The following SRSF6 variants were observed in gnomAD, a reference collection of about 807,000 sequenced individuals.
SRSF6 encodes serine and arginine rich splicing factor 6.
In SRSF6, 17 loss-of-function variants were observed where a neutral mutation model predicts 42.0. The ratio of observed to expected loss-of-function variants is 0.40; its 90% confidence interval spans 0.28 to 0.61. The LOEUF (loss-of-function observed/expected upper bound fraction) is 0.61, where lower values mean the gene tolerates loss of function less well. Ranked by LOEUF, SRSF6 falls within the 20% of genes least tolerant of loss-of-function variation. The pLI is 0.37. For synonymous variants in SRSF6, 204 were observed against 166.7 expected (o/e 1.22, Z -1.72); for missense variants, 379 against 471.4 (o/e 0.80, Z 1.81).
chr20:43,461,011 C>G lies in SRSF6; in HGVS notation c.983C>G (p.Ser328Cys), dbSNP rs766689707. The change falls in exon 6 of 6, where the codon TCT (serine) becomes TGT (cysteine). Residue 328 changes from serine (S) to cysteine (C), a missense_variant. Physicochemically the swap from Ser to Cys is moderately radical, Grantham distance 112. Transcript: ENST00000244020. ...PPKRATSRSR[S>C]RSRSKSRSRS... ...AAAAGAGCTACTTCAAGATCCCGTT[C>G]TAGATCTCGCTCAAAGTCAAGATCA... 6.2e-7 allele frequency: 1 copy of G among 1,608,002 alleles called. No homozygotes were observed. Among genetic ancestry groups the G allele is most frequent in the Admixed American group, 1.7e-5 (1 of 58,516 alleles).
In SRSF6 at chr20:43,457,900, T is replaced by G. The variant is rs529720695; in HGVS notation, c.-134T>G. 1.8e-5 allele frequency: 12 copies of G among 649,370 alleles called. No homozygotes were observed. The highest frequency in any genetic ancestry group is 6.0e-5 in the South Asian group (3 of 50,420). The allele number at this position is 649,370 out of a possible 1,614,324, so 40.2% of individuals were successfully genotyped here. A position where few individuals can be genotyped will look rare whatever the true frequency, so the allele number is the denominator to read the frequency against. On this transcript the variant is annotated 5_prime_UTR_variant, in exon 1 of 6. Coordinates refer to ENST00000244020, the MANE Select transcript of SRSF6 (RefSeq NM_006275.6). ...AGCCTGGCGCGCGCGCGCGCCATTG[T>G]GTGGCTGGACTCGGCCGCCCCTGTG...
At chr20:43,458,276 G>C (rs1360337780) in intron 1 of SRSF6, 85 bp from the exon 2 acceptor site, 43 of 1,400,326 alleles carry the variant, frequency 3.1e-5, no homozygotes, top group Non-Finnish European at 1.9e-5. Context: ...CGTCGCGGGG[G>C]CGCGCGGTGG....
In SRSF6 at chr20:43,462,287, T is replaced by G. The variant is rs1355798034; in HGVS notation, c.*1224T>G. On this transcript the variant is annotated 3_prime_UTR_variant, in exon 6 of 6. Transcript: ENST00000244020. ...AAACCAAATTTGAATACTGCAAATT[T>G]GTAGGAGTTACTAGGTTAGCAATTA... 4 of 152,246 alleles carry G rather than the reference T, an allele frequency of 2.6e-5. No individual in the cohort carries two copies. Among genetic ancestry groups the G allele is most frequent in the Non-Finnish European group, 5.9e-5 (4 of 68,034 alleles). The allele number at this position is 152,246 out of a possible 1,614,324, so 9.4% of individuals were successfully genotyped here.
At position 43,458,050 on chromosome 20, in the gene SRSF6, T is replaced by C. The variant is rs1568899076; in HGVS notation, c.17T>C (p.Ile6Thr). 3.7e-6 allele frequency: 6 copies of C among 1,612,800 alleles called. No homozygotes were observed. Among genetic ancestry groups the C allele is most frequent in the African/African-American group, 1.3e-5 (1 of 74,792 alleles). The change falls in exon 1 of 6, where the codon ATA becomes ACA. Residue 6 changes from isoleucine (I) to threonine (T), a missense_variant. Ile to Thr is a moderately conservative substitution (Grantham distance 89). Around this residue, in one of 3 missense-constraint regions of SRSF6, gnomAD observed 117 missense variants for 146.8 expected, o/e 0.80. Coordinates refer to ENST00000244020, the MANE Select transcript of SRSF6 (RefSeq NM_006275.6). MPRVY[I>T]GRLSYNVREK... The stretch of plus-strand genomic sequence containing the variant: ...GCCACGGACATGCCGCGCGTCTACA[T>C]AGGACGCCTGAGCTACAACGTCCGG...
chr20:43,463,608 CTTGTT>C lies in SRSF6; in HGVS notation c.*2549_*2553del, dbSNP rs1426413392. On this transcript the variant is annotated 3_prime_UTR_variant, in exon 6 of 6. Transcript: ENST00000244020. ...AATAAAATACTTACTGAGGGAAAGG[CTTGTT>C]TTGAGTTTATTGCATATGCCCACTT... The C allele has an allele frequency of 6.6e-6, 1 of 152,658 alleles. No homozygotes were observed. The highest frequency in any genetic ancestry group is 1.5e-5 in the Non-Finnish European group (1 of 68,064). 9.5% of individuals were successfully genotyped at this position (152,658 alleles called of 1,614,324 possible).
At chr20:43,459,710 C>CA in intron 2 of SRSF6, 61 bp from the exon 3 acceptor site, 1 of 1,609,610 alleles carries the variant, frequency 6.2e-7, no homozygotes, top group Middle Eastern at 2.3e-4. Context: ...TACTAACTTT[C>CA]AAAGACATTA....
intron 3 of SRSF6, 25 bp from the exon 4 acceptor site, chr20:43,460,008 G>T (rs201937785): frequency 6.2e-7 from 1 of 1,613,840 alleles, no homozygotes; most frequent in Admixed American, 1.7e-5. Context: ...TAAGATTTCC[G>T]AGTCTGACCA....
rs1204788541 is a variant in SRSF6 at position 43,462,943 on chromosome 20, T to C, written c.*1880T>C. Reference sequence around the variant, plus strand: ...GCCTACTCAGCAGAAGTGATGACTCTTAAAAATTGGCTTTGACCAAAGTTC... The same window carrying C: ...GCCTACTCAGCAGAAGTGATGACTCCTAAAAATTGGCTTTGACCAAAGTTC... On this transcript the variant is annotated 3_prime_UTR_variant, in exon 6 of 6. Transcript: ENST00000244020. 6.5e-6 allele frequency: 1 copy of C among 152,682 alleles called. No individual in the cohort carries two copies. Among genetic ancestry groups the C allele is most frequent in the Non-Finnish European group, 1.5e-5 (1 of 68,034 alleles). The allele number at this position is 152,682 out of a possible 1,614,324, so 9.5% of individuals were successfully genotyped here.
chr20:43,458,325 T>C (rs745690859), intron 1 of SRSF6, 36 bp from the exon 2 acceptor site: 11 of 1,493,668 alleles, frequency 7.4e-6, no homozygotes, highest in Admixed American at 2.3e-5. Context: ...GGCTAACGAC[T>C]CCCCCGCGGT....
In SRSF6 at chr20:43,460,760, A is replaced by G; in HGVS notation, c.732A>G (p.Arg244=). The stretch of plus-strand genomic sequence containing the variant: ...CTCGATCAAAAGGCAGGAAATCTAG[A>G]TCAAAGAGCAAATCTAAGCCCAAGT... ...SRSRSKGRKS[R]SKSKSKPKSD... Residue 244 remains arginine (R), a synonymous_variant, in exon 6 of 6, where the codon AGA becomes AGG. Coordinates refer to ENST00000244020, the MANE Select transcript of SRSF6 (RefSeq NM_006275.6). 1.9e-6 allele frequency: 3 copies of G among 1,614,146 alleles called. No homozygotes were observed. The highest frequency in any genetic ancestry group is 2.5e-6 in the Non-Finnish European group (3 of 1,179,984).
In SRSF6 at chr20:43,460,749, A is replaced by G. The variant is rs749635776; in HGVS notation, c.721A>G (p.Arg241Gly). The change falls in exon 6 of 6, where the codon AGG becomes GGG. Residue 241 changes from arginine to glycine, a missense_variant. Coordinates refer to ENST00000244020, the MANE Select transcript of SRSF6 (RefSeq NM_006275.6). ...TCGATCACGTTCTCGATCAAAAGGC[A>G]GGAAATCTAGATCAAAGAGCAAATC... Reference protein sequence around the residue: ...KGRSRSRSKGRKSRSKSKSKP... With the variant: ...KGRSRSRSKGGKSRSKSKSKP... The G allele has an allele frequency of 2.5e-6, 4 of 1,614,076 alleles. No individual in the cohort carries two copies. The East Asian group carries it at 6.7e-5, about 27-fold the overall frequency.
chr20:43,458,562 T>TGGGTG (rs1350536516), intron 2 of SRSF6, 53 bp downstream of exon 2: 9 of 1,386,358 alleles, frequency 6.5e-6, no homozygotes, highest in African/African-American at 1.6e-5. Context: ...GGGGCGGGGG[T>TGGGTG]GGGTGGGGTG....
At chr20:43,459,973 A>T in intron 3 of SRSF6, 60 bp from the exon 4 acceptor site, 1 of 1,604,552 alleles carries the variant, frequency 6.2e-7, no homozygotes, top group Non-Finnish European at 8.5e-7. Context: ...TATTTCTGGG[A>T]ATTTATTATG....
chr20:43,458,173 C>G, intron 1 of SRSF6, 33 bp downstream of exon 1: 1 of 1,597,522 alleles, frequency 6.3e-7, no homozygotes, highest in Non-Finnish European at 8.6e-7. Context: ...CGCCCAGCGT[C>G]CCAGGCCTGG....
intron 2 of SRSF6, chr20:43,459,428 C>T: frequency 2.3e-6 from 3 of 1,278,112 alleles, no homozygotes; most frequent in South Asian, 1.3e-5. Flanking sequence ...GATGTAAGTA[C>T]TTAGTGTAAA....
At chr20:43,458,200 C>G in intron 1 of SRSF6, 60 bp downstream of exon 1, 1 of 1,558,816 alleles carries the variant, frequency 6.4e-7, no homozygotes, top group Non-Finnish European at 8.7e-7. Context: ...CGGGAACTCT[C>G]CAAGGAAAGA....
Position 43,460,229 on chromosome 20 carries a change from G to C in SRSF6, c.578G>C (p.Gly193Ala), listed in dbSNP as rs750137411. 1 of 1,614,118 alleles carries C rather than the reference G, an allele frequency of 6.2e-7. No individual in the cohort carries two copies. Among genetic ancestry groups the C allele is most frequent in the Non-Finnish European group, 8.5e-7 (1 of 1,179,970 alleles). The change falls in exon 4 of 6, where the codon GGA (glycine) becomes GCA (alanine). Residue 193 changes from glycine (G) to alanine (A), a missense_variant. This residue lies in a region of SRSF6 where 219 missense variants were observed against 216.1 expected (regional missense o/e 1.01). Coordinates refer to ENST00000244020, the MANE Select transcript of SRSF6 (RefSeq NM_006275.6). ...ACAAGCCATAGGCGATCTTACTCTG[G>C]AAGCAGATCCAGGTAACTTGTTGAA... is the stretch of plus-strand genomic sequence containing the variant. ...PRTSHRRSYSGSRSRSRSRRR... is the reference protein window; with the variant it reads ...PRTSHRRSYSASRSRSRSRRR...
rs1404146064 is a variant in SRSF6, at chr20:43,461,083, A to G, written c.*20A>G. On this transcript the variant is annotated 3_prime_UTR_variant, in exon 6 of 6. Transcript: ENST00000244020. The stretch of plus-strand genomic sequence containing the variant: ...GATTAACTCAGAACTCCTTGTTTGC[A>G]CATTATTATGGAACACTTTCCTACT... 1.3e-6 allele frequency: 2 copies of G among 1,537,166 alleles called. No homozygotes were observed. The highest frequency in any genetic ancestry group is 1.7e-6 in the Non-Finnish European group (2 of 1,144,726).
In SRSF6 at chr20:43,457,955, T is replaced by G; in HGVS notation, c.-79T>G. ...GAGGCGCGTGTTCGGGCTCTTGCCG[T>G]CCCCGCACCCGCACCGCGGTTACTG... On this transcript the variant is annotated 5_prime_UTR_variant, in exon 1 of 6. Coordinates refer to ENST00000244020, the MANE Select transcript of SRSF6 (RefSeq NM_006275.6). 1 of 1,242,402 alleles carries G rather than the reference T, an allele frequency of 8.0e-7. No homozygotes were observed. Among genetic ancestry groups the G allele is most frequent in the East Asian group, 2.5e-5 (1 of 39,470 alleles). The allele number at this position is 1,242,402 out of a possible 1,614,324, so 77.0% of individuals were successfully genotyped here.
Sources: allele counts gnomAD v4.1 joint callset, GRCh38; gene constraint gnomAD v4.1.1; regional missense constraint gnomAD v4.1.1; transcripts MANE v1.5; gene names NCBI Gene and HGNC (gene_info 2026-07-23, HGNC 2026-07-21).